OVCH1: variants seen among roughly 807,000 people sequenced by gnomAD.
The protein encoded by OVCH1 is ovochymase-1.
In OVCH1, 139 loss-of-function variants were observed where a neutral mutation model predicts 138.4. That is an observed-to-expected ratio of 1.00 (90% CI 0.87 to 1.16). The LOEUF is 1.16. OVCH1 is among the 50% of genes most tolerant of loss of function. OVCH1 has a pLI of 0.00. For missense variants in OVCH1, 1,367 were observed against 1,357.9 expected (o/e 1.01, Z -0.11); for synonymous variants, 453 against 467.8 (o/e 0.97, Z 0.41).
intron 8 of OVCH1, 89 bp downstream of exon 8, chr12:29,486,161 G>A: frequency 8.0e-7 from 1 of 1,243,806 alleles, no homozygotes; most frequent in Non-Finnish European, 1.2e-6. Context: ...ATAAAACTCA[G>A]ATTGTGAATA....
chr12:29,434,584 G>T (rs1332181626), intron 26 of OVCH1, among the ~76,000 whole-genome samples: 1 of 151,870 alleles, frequency 6.6e-6, no homozygotes, highest in African/African-American at 2.4e-5. Flanking sequence ...GGGAAAAAAT[G>T]GACTTACCAG....
chr12:29,429,380 T>A (rs1941231145), intron 27 of OVCH1, among the ~76,000 whole-genome samples: 1 of 152,172 alleles, frequency 6.6e-6, no homozygotes, highest in Admixed American at 6.5e-5. Flanking sequence ...CTCATCCAAC[T>A]GTGCTCAATA....
intron 3 of OVCH1, among the ~76,000 whole-genome samples, chr12:29,416,194 G>A (rs1203452560): frequency 1.3e-5 from 2 of 152,044 alleles, no homozygotes; most frequent in Non-Finnish European, 2.9e-5. Context: ...AAATGTAAAA[G>A]TGTAAGGCTA....
At chr12:29,439,365 A>C in exon 26 of OVCH1, 1 of 1,581,082 alleles carries the variant, frequency 6.3e-7, no homozygotes, top group Non-Finnish European at 8.6e-7. Flanking sequence ...ATATGTGTTA[A>C]TAAAATTCAG....
exon 18 of OVCH1, chr12:29,464,547 C>T (rs758786022): frequency 7.1e-5 from 114 of 1,613,366 alleles, no homozygotes; most frequent in East Asian, 4.7e-4. Context: ...CACAGATCTC[C>T]GAGGAAAATA....
At chr12:29,477,662 A>G in intron 9 of OVCH1, 184 bp from the exon 11 acceptor site, 1 of 1,497,570 alleles carries the variant, frequency 6.7e-7, no homozygotes. Flanking sequence ...TCTCCTTCTC[A>G]ACCCCCCAGT....
chr12:29,404,751 G>A, the OVCH1 span, among the ~76,000 whole-genome samples: 3 of 151,990 alleles, frequency 2.0e-5, no homozygotes, highest in African/African-American at 4.8e-5. Flanking sequence ...AGCCGGGCGC[G>A]GTGGGTCACG....
chr12:29,428,374 C>G (rs1173461777), intron 27 of OVCH1, among the ~76,000 whole-genome samples: 1 of 152,198 alleles, frequency 6.6e-6, no homozygotes, highest in Non-Finnish European at 1.5e-5. Context: ...ATAGGTTTTT[C>G]TAACACCTTC....
rs147449282 is a variant in OVCH1 at position 29,446,788 on chromosome 12, T to C, written c.2756-1385A>G. Among the ~76,000 whole-genome samples, 17 of 152,082 alleles carry C rather than the reference T, an allele frequency of 1.1e-4. No homozygotes were observed. The East Asian group carries it at 3.1e-3, about 28-fold the overall frequency. ...GCAGGTATAGAGTCACTTTGCCATATGAGAAAATATATTTCAGCATGATTT... is the reference window on the plus strand; with the variant it reads ...GCAGGTATAGAGTCACTTTGCCATACGAGAAAATATATTTCAGCATGATTT... On this transcript the variant is annotated intron_variant, in intron 22 of 27. Coordinates refer to ENST00000318184, the Ensembl canonical transcript of OVCH1.
At chr12:29,407,992 G>T (rs1181089670), downstream of OVCH1, among the ~76,000 whole-genome samples, 3 of 141,366 alleles carry the variant, frequency 2.1e-5, no homozygotes, top group Non-Finnish European at 3.2e-5. Flanking sequence ...TTGAGCAGTG[G>T]TTTGTAGTTC....
At position 29,487,620 on chromosome 12, in the gene OVCH1, CT is replaced by C. The variant is rs1943148092; in HGVS notation, c.892+72del. The C allele has an allele frequency of 8.0e-6, 11 of 1,375,096 alleles. No homozygotes were observed. The South Asian group carries it at 1.4e-4, about 18-fold the overall frequency. 85.2% of individuals were successfully genotyped at this position (1,375,096 alleles called of 1,614,324 possible). On this transcript the variant is annotated intron_variant, in intron 7 of 27. Transcript: ENST00000318184. Reference sequence around the variant, plus strand: ...TCTTGCTTTGTTCTAAAGCTTAGTTCTGATAATATCGCAACATAGCAGAGTA... The same window carrying C: ...TCTTGCTTTGTTCTAAAGCTTAGTTCGATAATATCGCAACATAGCAGAGTA...
chr12:29,453,443 T>G (rs1293553875), intron 21 of OVCH1, among the ~76,000 whole-genome samples: 1 of 152,108 alleles, frequency 6.6e-6, no homozygotes, highest in African/African-American at 2.4e-5. Context: ...GATCTTGTAT[T>G]CCACCTGACC....
At chr12:29,415,817 C>T (rs149092412) in intron 3 of OVCH1, among the ~76,000 whole-genome samples, 133 of 152,036 alleles carry the variant, frequency 8.7e-4, no homozygotes, top group Non-Finnish European at 1.6e-3. Flanking sequence ...AAAATTTATA[C>T]GAGAAAGCAC....
At position 29,485,954 on chromosome 12, in the gene OVCH1, AAAATAAAATAAAATAAAAT is replaced by A. The variant is rs1283429413; in HGVS notation, c.995+273_995+291del. 3.2e-3 allele frequency among the ~76,000 whole-genome samples: 352 copies of A among 109,658 alleles called. 1 individual carries two copies. The highest frequency in any genetic ancestry group is 0.012 in the African/African-American group (330 of 27,300). 71.9% of individuals were successfully genotyped at this position (109,658 alleles called of 152,430 possible). ...AGTGAGACTCCATCTCAAAATAAAT[AAAATAAAATAAAATAAAAT>A]AAATAAATAAATAAATAAATAAATA... On this transcript the variant is annotated intron_variant, in intron 8 of 27. Coordinates refer to ENST00000318184, the Ensembl canonical transcript of OVCH1.
At position 29,454,722 on chromosome 12, in the gene OVCH1, C is replaced by A. The variant is rs1452363777; in HGVS notation, c.2530+119G>T. The stretch of plus-strand genomic sequence containing the variant: ...CCCCACTTTCAGCTAAAACTACCAA[C>A]CAGAAGGAAAACACAGAGGTTATAG... On this transcript the variant is annotated intron_variant, in intron 21 of 27. Transcript: ENST00000318184. 4.8e-6 allele frequency: 4 copies of A among 841,258 alleles called. No individual in the cohort carries two copies. In the African/African-American group the frequency reaches 5.2e-5, roughly 11 times the overall value. The allele number at this position is 841,258 out of a possible 1,614,324, so 52.1% of individuals were successfully genotyped here.
intron 5 of OVCH1, among the ~76,000 whole-genome samples, chr12:29,490,765 CTT>C (rs1943251314): frequency 6.6e-6 from 1 of 152,100 alleles, no homozygotes; most frequent in Non-Finnish European, 1.5e-5. Context: ...CCGAGTCTGA[CTT>C]TTCAAAAAAG....
chr12:29,445,360 A>C, exon 23 of OVCH1: 2 of 1,611,274 alleles, frequency 1.2e-6, no homozygotes, highest in Non-Finnish European at 1.7e-6. Context: ...GCGGTCCAGG[A>C]CTCATGAAAG....
At chr12:29,474,606 GT>G (rs1453780085) in intron 14 of OVCH1, among the ~76,000 whole-genome samples, 1 of 152,122 alleles carries the variant, frequency 6.6e-6, no homozygotes, top group East Asian at 1.9e-4. Flanking sequence ...GTTATTTGTA[GT>G]TTTCTTATAC....
intron 3 of OVCH1, among the ~76,000 whole-genome samples, chr12:29,416,002 A>G (rs1330132965): frequency 1.3e-5 from 2 of 151,922 alleles, no homozygotes; most frequent in Non-Finnish European, 2.9e-5. Flanking sequence ...TGCTCACTTT[A>G]TTTATGGCAA....
Sources: gnomAD v4.1 joint callset for allele counts (sites outside exome capture counted in the v4.1 genomes callset) on GRCh38, gnomAD v4.1.1 for gene constraint, MANE v1.5 for transcripts, NCBI Gene and HGNC (gene_info 2026-07-23, HGNC 2026-07-21) for gene names.